Variants in CNTN6 observed in about 807,000 individuals in gnomAD.
CNTN6 encodes contactin 6.
CNTN6 carries 137 observed loss-of-function variants against 122.8 expected under a neutral mutation model. That is an observed-to-expected ratio of 1.12 (90% CI 0.97 to 1.29). The LOEUF (loss-of-function observed/expected upper bound fraction) is 1.29, where lower values mean the gene tolerates loss of function less well. Among genes scored for constraint, CNTN6 ranks in the 50% most tolerant of loss-of-function variants. CNTN6 has a pLI of 0.00. For missense variants in CNTN6, 1,634 were observed against 1,223.4 expected, an observed-to-expected ratio of 1.34 and a Z score of -5.01; for synonymous variants, 570 against 426.0, an observed-to-expected ratio of 1.34 and a Z score of -4.16.
intron 1 of CNTN6, among the ~76,000 whole-genome samples, chr3:1,134,040 G>C (rs964138161): frequency 6.6e-6 from 1 of 151,956 alleles, no homozygotes; most frequent in Non-Finnish European, 1.5e-5. Flanking sequence ...ATATATCCAG[G>C]TAGCTAACAA....
At chr3:1,229,183 C>T (rs951255187) in intron 4 of CNTN6, among the ~76,000 whole-genome samples, 1 of 152,104 alleles carries the variant, frequency 6.6e-6, no homozygotes, top group South Asian at 2.1e-4. Context: ...TGGCTACTTT[C>T]GAACATAGGA....
At chr3:1,215,753 C>T (rs760569053) in intron 2 of CNTN6, among the ~76,000 whole-genome samples, 4 of 151,804 alleles carry the variant, frequency 2.6e-5, no homozygotes, top group Non-Finnish European at 5.9e-5. Context: ...ATTGTTCATG[C>T]TTGAGAAACT....
At position 1,175,491 on chromosome 3, in the gene CNTN6, G is replaced by C. The variant is rs144444717; in HGVS notation, c.55+27428G>C. Among the ~76,000 whole-genome samples, 250 of 152,284 alleles carry C rather than the reference G, an allele frequency of 1.6e-3. 1 individual carries two copies. The highest frequency in any genetic ancestry group is 5.5e-3 in the African/African-American group (230 of 41,560). Reference sequence around the variant, plus strand: ...GTTAGCCAATTGCAGATAGCAACTGGGAGCACAGCAGATGAGGCAGCAGGG... The same window carrying C: ...GTTAGCCAATTGCAGATAGCAACTGCGAGCACAGCAGATGAGGCAGCAGGG... On this transcript the variant is annotated intron_variant, in intron 2 of 22. Transcript: ENST00000446702.
Position 1,403,981 on chromosome 3 carries a change from T to C in CNTN6, c.*563T>C, listed in dbSNP as rs1031445803. On this transcript the variant is annotated 3_prime_UTR_variant, in exon 23 of 23. Coordinates refer to ENST00000446702, the MANE Select transcript of CNTN6 (RefSeq NM_001289080.2). ...CATGATGTTCTTCTCAGCCCACTTT[T>C]CAGAAGATTCAGTCACAATAAAGGC... The C allele has an allele frequency of 6.6e-6, 1 of 152,130 alleles. No individual in the cohort carries two copies. The highest frequency in any genetic ancestry group is 1.5e-5 in the Non-Finnish European group (1 of 68,018). 9.4% of individuals were successfully genotyped at this position (152,130 alleles called of 1,614,324 possible). A position where few individuals can be genotyped will look rare whatever the true frequency, so the allele number is the denominator to read the frequency against.
Position 1,148,074 on chromosome 3 carries a change from C to A in CNTN6, c.55+11C>A. 6.3e-7 allele frequency: 1 copy of A among 1,596,498 alleles called. No homozygotes were observed. Among genetic ancestry groups the A allele is most frequent in the Non-Finnish European group, 8.6e-7 (1 of 1,166,134 alleles). On this transcript the variant is annotated intron_variant, in intron 2 of 22. Coordinates refer to ENST00000446702, the MANE Select transcript of CNTN6 (RefSeq NM_001289080.2). ...TAAACTCTTCTGCAGGTAAAGTGTT[C>A]TATTATTATAAGTTTTGATTGATAA...
At chr3:1,223,881 G>A (rs186531037) in intron 3 of CNTN6, among the ~76,000 whole-genome samples, 33 of 152,086 alleles carry the variant, frequency 2.2e-4, no homozygotes, top group South Asian at 6.2e-4. Context: ...TTCATTTCCC[G>A]CAACTTTATC....
intron 8 of CNTN6, among the ~76,000 whole-genome samples, chr3:1,322,210 G>A (rs1575695963): frequency 6.6e-6 from 1 of 151,602 alleles, no homozygotes; most frequent in Non-Finnish European, 1.5e-5. Flanking sequence ...GAAAAAAATT[G>A]ATAGGAAAAA....
intron 5 of CNTN6, among the ~76,000 whole-genome samples, chr3:1,279,960 A>G (rs1189127159): frequency 6.6e-6 from 1 of 152,178 alleles, no homozygotes; most frequent in Non-Finnish European, 1.5e-5. Context: ...ATAAAATAAT[A>G]TTGTTTCAGA....
At chr3:1,261,128 C>T (rs2094839638) in intron 4 of CNTN6, among the ~76,000 whole-genome samples, 1 of 152,110 alleles carries the variant, frequency 6.6e-6, no homozygotes, top group Admixed American at 6.6e-5. Flanking sequence ...GCATTTTCAG[C>T]TGCTAGAGCA....
chr3:1,340,650 C>G (rs154960), intron 11 of CNTN6, among the ~76,000 whole-genome samples: 1 of 152,084 alleles, frequency 6.6e-6, no homozygotes, highest in Admixed American at 6.6e-5. Flanking sequence ...GAGTCACACC[C>G]AGGTTGGTCC....
intron 4 of CNTN6, among the ~76,000 whole-genome samples, chr3:1,262,877 T>A (rs1575468442): frequency 6.6e-6 from 1 of 151,642 alleles, no homozygotes; most frequent in Admixed American, 6.6e-5. Flanking sequence ...GAAGATTAAA[T>A]GTAAATATAA....
chr3:1,360,930 C>T (rs1309024359), intron 12 of CNTN6, among the ~76,000 whole-genome samples: 1 of 152,072 alleles, frequency 6.6e-6, no homozygotes, highest in East Asian at 1.9e-4. Context: ...TAATTTTTTT[C>T]TTTCATTTAA....
At chr3:1,101,349 C>G (rs1413063292) in intron 1 of CNTN6, among the ~76,000 whole-genome samples, 1 of 152,160 alleles carries the variant, frequency 6.6e-6, no homozygotes, top group Non-Finnish European at 1.5e-5. Context: ...GAGGGCTTAC[C>G]TCTTTAACAT....
intron 1 of CNTN6, among the ~76,000 whole-genome samples, chr3:1,102,979 G>C (rs111437753): frequency 0.043 from 6,434 of 150,812 alleles, 461 homozygotes; most frequent in African/African-American, 0.15. Context: ...TGGTGGCGGC[G>C]CCTGTGGTCC....
At chr3:1,322,581 T>C (rs1485399810) in intron 8 of CNTN6, among the ~76,000 whole-genome samples, 1 of 151,672 alleles carries the variant, frequency 6.6e-6, no homozygotes, top group African/African-American at 2.4e-5. Context: ...CAAAATACTT[T>C]CCTATGTGAC....
At chr3:1,153,472 G>A (rs2092893530) in intron 2 of CNTN6, among the ~76,000 whole-genome samples, 1 of 152,166 alleles carries the variant, frequency 6.6e-6, no homozygotes, top group Non-Finnish European at 1.5e-5. Flanking sequence ...TCCCAAAGTA[G>A]TTGACTTTTA....
intron 2 of CNTN6, among the ~76,000 whole-genome samples, chr3:1,159,335 A>G (rs2093068123): frequency 2.0e-5 from 3 of 152,128 alleles, no homozygotes; most frequent in Admixed American, 2.0e-4. Context: ...GCGGGGGTGC[A>G]CTGGACAAAG....
intron 11 of CNTN6, among the ~76,000 whole-genome samples, chr3:1,342,652 A>G (rs1202117527): frequency 6.6e-6 from 1 of 152,190 alleles, no homozygotes; most frequent in Admixed American, 6.5e-5. Context: ...GAGGCTAAAA[A>G]AAATACTAGA....
At chr3:1,202,333 T>C (rs4684802) in intron 2 of CNTN6, among the ~76,000 whole-genome samples, 1 of 151,518 alleles carries the variant, frequency 6.6e-6, no homozygotes, top group African/African-American at 2.4e-5. Flanking sequence ...GAGCTCAGGA[T>C]ATCAAGACCA....
Sources: allele counts gnomAD v4.1 joint callset (sites outside exome capture counted in the v4.1 genomes callset), GRCh38; gene constraint gnomAD v4.1.1; transcripts MANE v1.5; gene names NCBI Gene and HGNC (gene_info 2026-07-23, HGNC 2026-07-21).